Variants in NRXN3 observed in about 807,000 individuals in gnomAD.
The protein encoded by NRXN3 is neurexin 3.
NRXN3 carries 32 observed loss-of-function variants against 137.6 expected under a neutral mutation model. That is an observed-to-expected ratio of 0.23 (90% CI 0.18 to 0.31). The LOEUF is 0.31. Ranked by LOEUF, NRXN3 falls within the 10% of genes least tolerant of loss-of-function variation. NRXN3 has a pLI of 1.00. For missense variants in NRXN3, 1,574 were observed against 2,062.5 expected (o/e 0.76, Z 4.59); for synonymous variants, 798 against 784.5 (o/e 1.02, Z -0.29).
At chr14:79,836,815 C>A (rs2142205) in intron 20 of NRXN3, among the ~76,000 whole-genome samples, 90,754 of 151,952 alleles carry the variant, frequency 0.6, 27,538 homozygotes, top group African/African-American at 0.72. Context: ...CACACACACA[C>A]AAAAAATCCT....
At chr14:79,168,673 C>T (rs1161933157) in intron 15 of NRXN3, among the ~76,000 whole-genome samples, 2 of 151,622 alleles carry the variant, frequency 1.3e-5, no homozygotes, top group African/African-American at 2.4e-5. Context: ...TCCTATCATG[C>T]GTGTTCATCT....
At chr14:79,850,050 C>A (rs1256895944) in intron 20 of NRXN3, among the ~76,000 whole-genome samples, 1 of 152,176 alleles carries the variant, frequency 6.6e-6, no homozygotes, top group Non-Finnish European at 1.5e-5. Flanking sequence ...CCTCCATTCA[C>A]CCCACAGACA....
At chr14:78,295,376 TTGAG>T (rs2076212175) in intron 3 of NRXN3, among the ~76,000 whole-genome samples, 1 of 152,176 alleles carries the variant, frequency 6.6e-6, no homozygotes, top group Non-Finnish European at 1.5e-5. Flanking sequence ...AACATTTTAT[TTGAG>T]TGGCAATACT....
At chr14:79,826,838 G>A (rs1294917090) in intron 20 of NRXN3, among the ~76,000 whole-genome samples, 3 of 152,174 alleles carry the variant, frequency 2.0e-5, no homozygotes, top group African/African-American at 7.2e-5. Context: ...ACCAGTAAGA[G>A]CAAGTAAACT....
chr14:78,173,236 T>A (rs1284465068), intron 1 of NRXN3, among the ~76,000 whole-genome samples: 1 of 151,462 alleles, frequency 6.6e-6, no homozygotes, highest in Non-Finnish European at 1.5e-5. Context: ...CCCCTTTCTC[T>A]CGCTCCTGGA....
chr14:79,559,090 C>A (rs760100240), intron 16 of NRXN3, among the ~76,000 whole-genome samples: 10 of 152,236 alleles, frequency 6.6e-5, no homozygotes, highest in Middle Eastern at 3.4e-3. Context: ...AAGATTGAGG[C>A]TGGTTGGATA....
In NRXN3 at chr14:79,812,774, T is replaced by C. The variant is rs2099238812; in HGVS notation, c.4093+7584T>C. Among the ~76,000 whole-genome samples the C allele has an allele frequency of 2.6e-5, 4 of 152,132 alleles. 1 individual carries two copies. Among genetic ancestry groups the C allele is most frequent in the Admixed American group, 2.6e-4 (4 of 15,276 alleles). The stretch of plus-strand genomic sequence containing the variant: ...CGTTTTTAGGTAATAGGGTAAAGGA[T>C]GGACATGTTGAAGGGAGAATTTCAA... On this transcript the variant is annotated intron_variant, in intron 20 of 20. Coordinates refer to ENST00000335750, the MANE Select transcript of NRXN3 (RefSeq NM_001330195.2).
chr14:78,598,599 G>A (rs1419525247), intron 4 of NRXN3, among the ~76,000 whole-genome samples: 1 of 152,176 alleles, frequency 6.6e-6, no homozygotes, highest in Non-Finnish European at 1.5e-5. Context: ...TCAGTTAGAT[G>A]TTTTCTCTAG....
At chr14:79,322,203 G>A (rs541379117) in intron 15 of NRXN3, among the ~76,000 whole-genome samples, 7 of 152,244 alleles carry the variant, frequency 4.6e-5, no homozygotes, top group African/African-American at 1.4e-4. Context: ...ACAAACTCAC[G>A]AGGAAGTAAA....
At chr14:79,793,855 T>G (rs2099153002) in intron 19 of NRXN3, among the ~76,000 whole-genome samples, 1 of 152,224 alleles carries the variant, frequency 6.6e-6, no homozygotes. Context: ...GCAGAATCAT[T>G]GAAATAACAC....
chr14:78,467,954 C>T (rs1435055393), intron 4 of NRXN3, among the ~76,000 whole-genome samples: 2 of 151,752 alleles, frequency 1.3e-5, no homozygotes, highest in Admixed American at 1.3e-4. Flanking sequence ...GATGGAGGCT[C>T]GTTCTGTCGC....
chr14:79,055,836 A>G (rs560611771), intron 15 of NRXN3, among the ~76,000 whole-genome samples: 31 of 152,150 alleles, frequency 2.0e-4, no homozygotes, highest in African/African-American at 7.5e-4. Flanking sequence ...GTGCAGGTCA[A>G]TTTAGGAGCT....
chr14:78,644,234 G>T (rs1302684357), intron 4 of NRXN3, among the ~76,000 whole-genome samples: 2 of 152,102 alleles, frequency 1.3e-5, no homozygotes, highest in East Asian at 3.9e-4. Flanking sequence ...CAGGCTTAAG[G>T]CTTTTTGGGT....
At chr14:79,369,924 C>T (rs1328675778) in intron 15 of NRXN3, among the ~76,000 whole-genome samples, 2 of 152,152 alleles carry the variant, frequency 1.3e-5, no homozygotes, top group Non-Finnish European at 2.9e-5. Context: ...CACTATGCTG[C>T]CCCCATTCTG....
At chr14:78,414,030 T>C (rs905615557) in intron 4 of NRXN3, among the ~76,000 whole-genome samples, 1 of 152,186 alleles carries the variant, frequency 6.6e-6, no homozygotes, top group African/African-American at 2.4e-5. Flanking sequence ...CCTGTCAGCA[T>C]GTAAGACATG....
In NRXN3 at chr14:79,637,729, CT is replaced by C. The variant is rs554654576; in HGVS notation, c.3445-26031del. Among the ~76,000 whole-genome samples, 368 of 95,592 alleles carry C rather than the reference CT, an allele frequency of 3.8e-3. 5 individuals carry two copies. Among genetic ancestry groups the C allele is most frequent in the Non-Finnish European group, 4.6e-3 (236 of 51,050 alleles). 62.7% of individuals were successfully genotyped at this position (95,592 alleles called of 152,430 possible). ...AACTGATGTAAGATATAGAAAAGTT[CT>C]TTTTTTTTTTTTTTTTTGAGATGGA... On this transcript the variant is annotated intron_variant, in intron 16 of 20. Transcript: ENST00000335750.
At chr14:79,585,574 A>T (rs540000886) in intron 16 of NRXN3, among the ~76,000 whole-genome samples, 1 of 151,456 alleles carries the variant, frequency 6.6e-6, no homozygotes, top group Admixed American at 6.6e-5. Context: ...AGTCCCAGCT[A>T]CTCAGGACGC....
chr14:79,740,741 T>C (rs1214517295), intron 19 of NRXN3, among the ~76,000 whole-genome samples: 12 of 45,522 alleles, frequency 2.6e-4, no homozygotes, highest in South Asian at 8.8e-4. Context: ...TATATATATA[T>C]ATATATATAT....
chr14:79,444,751 G>T (rs2011312), intron 15 of NRXN3, among the ~76,000 whole-genome samples: 1 of 152,028 alleles, frequency 6.6e-6, no homozygotes, highest in African/African-American at 2.4e-5. Flanking sequence ...TTGCTTGAGC[G>T]CAGGGGTTCT....
Sources: allele counts gnomAD v4.1 joint callset (sites outside exome capture counted in the v4.1 genomes callset), GRCh38; gene constraint gnomAD v4.1.1; transcripts MANE v1.5; gene names NCBI Gene and HGNC (gene_info 2026-07-23, HGNC 2026-07-21).